NLGN1: variants seen among roughly 807,000 people sequenced by gnomAD.
NLGN1 encodes the protein neuroligin 1.
In NLGN1, 12 loss-of-function variants were observed where a neutral mutation model predicts 65.5. That is an observed-to-expected ratio of 0.18 (90% confidence interval 0.12 to 0.30). The LOEUF (loss-of-function observed/expected upper bound fraction) is 0.30. NLGN1 is among the 10% of genes least tolerant of loss of function. The pLI, the probability that NLGN1 is intolerant of heterozygous loss-of-function variation, is 1.00. For synonymous variants in NLGN1, 350 were observed against 359.5 expected (o/e 0.97, Z 0.30); for missense variants, 750 against 1,007.1 (o/e 0.74, Z 3.46).
intron 4 of NLGN1, among the ~76,000 whole-genome samples, chr3:173,978,921 C>G (rs557612324): frequency 6.6e-6 from 1 of 150,398 alleles, no homozygotes; most frequent in African/African-American, 2.5e-5. Flanking sequence ...ACAAGAATCA[C>G]TTGAACCCTG....
chr3:173,944,765 G>C (rs563423653), intron 4 of NLGN1, among the ~76,000 whole-genome samples: 2 of 152,214 alleles, frequency 1.3e-5, no homozygotes, highest in Non-Finnish European at 2.9e-5. Context: ...TTAATGCTGG[G>C]TATATTAACT....
At chr3:173,456,993 A>G (rs149987363) in intron 2 of NLGN1, among the ~76,000 whole-genome samples, 1 of 152,194 alleles carries the variant, frequency 6.6e-6, no homozygotes, top group Admixed American at 6.6e-5. Context: ...GGAGGGTGAT[A>G]CCCTAACCTA....
rs147025727 is a variant in NLGN1 at position 173,568,402 on chromosome 3, T to A, written c.-320-35877T>A. Among the ~76,000 whole-genome samples, 1,432 of 151,928 alleles carry A rather than the reference T, an allele frequency of 9.4e-3. 21 individuals carry two copies. Among genetic ancestry groups the A allele is most frequent in the Non-Finnish European group, 0.014 (946 of 67,972 alleles). The stretch of plus-strand genomic sequence containing the variant: ...GTGCCCCCCACCAGGCCTGGCTAAT[T>A]TTTGTATTTTTAGTAAAGATGGAGT... On this transcript the variant is annotated intron_variant, in intron 2 of 6. Transcript: ENST00000457714.
chr3:173,657,226 C>T (rs1272741626), intron 3 of NLGN1, among the ~76,000 whole-genome samples: 1 of 151,954 alleles, frequency 6.6e-6, no homozygotes, highest in Non-Finnish European at 1.5e-5. Flanking sequence ...TGGAGATCCT[C>T]TGCTTCCTAA....
intron 4 of NLGN1, among the ~76,000 whole-genome samples, chr3:174,120,725 C>T (rs1448665126): frequency 2.0e-5 from 3 of 151,700 alleles, no homozygotes; most frequent in Non-Finnish European, 2.9e-5. Context: ...ATATCTCTTT[C>T]TCTCTCTCTC....
intron 3 of NLGN1, among the ~76,000 whole-genome samples, chr3:173,688,755 T>C (rs559865438): frequency 6.6e-6 from 1 of 152,186 alleles, no homozygotes; most frequent in African/African-American, 2.4e-5. Context: ...AGGTATAATA[T>C]GATAAAATAG....
chr3:174,272,722 A>T (rs543943695), intron 4 of NLGN1, among the ~76,000 whole-genome samples: 8 of 148,790 alleles, frequency 5.4e-5, no homozygotes, highest in Admixed American at 4.1e-4. Flanking sequence ...GATAGATAGA[A>T]AGATAGATAG....
intron 1 of NLGN1, among the ~76,000 whole-genome samples, chr3:173,431,259 A>C (rs1717107759): frequency 6.6e-6 from 1 of 152,054 alleles, no homozygotes; most frequent in African/African-American, 2.4e-5. Flanking sequence ...TTCCTTCCCT[A>C]GCTGTTGAAC....
intron 4 of NLGN1, among the ~76,000 whole-genome samples, chr3:174,013,609 G>A (rs556658499): frequency 7.2e-5 from 11 of 152,280 alleles, no homozygotes; most frequent in South Asian, 2.1e-4. Flanking sequence ...GAATCCAAGC[G>A]TATGTGATGC....
intron 3 of NLGN1, among the ~76,000 whole-genome samples, chr3:173,652,834 G>A (rs1352043230): frequency 6.6e-6 from 1 of 152,012 alleles, no homozygotes; most frequent in African/African-American, 2.4e-5. Context: ...ATTGCTTTAG[G>A]CACTATGGTC....
At chr3:174,025,296 T>A (rs1371075166) in intron 4 of NLGN1, among the ~76,000 whole-genome samples, 1 of 152,190 alleles carries the variant, frequency 6.6e-6, no homozygotes, top group African/African-American at 2.4e-5. Flanking sequence ...TTTAAAAGTA[T>A]GACTTAAACA....
At chr3:173,707,981 T>C (rs1226773937) in intron 3 of NLGN1, among the ~76,000 whole-genome samples, 1 of 152,210 alleles carries the variant, frequency 6.6e-6, no homozygotes, top group Non-Finnish European at 1.5e-5. Flanking sequence ...ATCATAAATG[T>C]ATCACCACAG....
At chr3:173,657,487 T>G (rs1177131276) in intron 3 of NLGN1, among the ~76,000 whole-genome samples, 1 of 151,988 alleles carries the variant, frequency 6.6e-6, no homozygotes, top group Admixed American at 6.6e-5. Context: ...TGTGAGATTT[T>G]TTCCTCTTTC....
chr3:173,688,223 C>CTA (rs1764955824), intron 3 of NLGN1, among the ~76,000 whole-genome samples: 1 of 152,126 alleles, frequency 6.6e-6, no homozygotes, highest in Non-Finnish European at 1.5e-5. Flanking sequence ...CTTTGTAAAC[C>CTA]GTTAAGCCAA....
intron 4 of NLGN1, among the ~76,000 whole-genome samples, chr3:173,839,405 G>GT (rs898129763): frequency 1.3e-5 from 2 of 150,386 alleles, no homozygotes; most frequent in African/African-American, 4.9e-5. Context: ...TTTTTTGTTT[G>GT]TTTTTTTGTT....
At chr3:174,135,438 T>C (rs1191163836) in intron 4 of NLGN1, among the ~76,000 whole-genome samples, 2 of 152,186 alleles carry the variant, frequency 1.3e-5, no homozygotes, top group Admixed American at 6.5e-5. Context: ...GTCTAGAGAA[T>C]ATGTGGCTTA....
chr3:173,892,585 A>T (rs1392452414), intron 4 of NLGN1, among the ~76,000 whole-genome samples: 1 of 151,912 alleles, frequency 6.6e-6, no homozygotes, highest in Non-Finnish European at 1.5e-5. Context: ...TAAAAAAAAA[A>T]AAAAAATGAC....
intron 4 of NLGN1, among the ~76,000 whole-genome samples, chr3:173,849,232 G>T (rs79824848): frequency 0.011 from 1,733 of 151,994 alleles, 25 homozygotes; most frequent in African/African-American, 0.038. Flanking sequence ...ATTACTCTCT[G>T]TATTACTCCA....
At chr3:173,539,528 T>TATAC (rs1738105050) in intron 2 of NLGN1, among the ~76,000 whole-genome samples, 1 of 143,164 alleles carries the variant, frequency 7.0e-6, no homozygotes, top group South Asian at 2.1e-4. Flanking sequence ...TATATGTATA[T>TATAC]ATACATATGT....
Sources: gnomAD v4.1 joint callset for allele counts (sites outside exome capture counted in the v4.1 genomes callset) on GRCh38, gnomAD v4.1.1 for gene constraint, MANE v1.5 for transcripts, NCBI Gene and HGNC (gene_info 2026-07-23, HGNC 2026-07-21) for gene names.